Variants in CHIC1 observed in about 807,000 individuals in gnomAD.
CHIC1 encodes cysteine-rich hydrophobic domain-containing protein 1.
A neutral mutation model predicts 18.5 loss-of-function variants in CHIC1; 7 were observed. The ratio of observed to expected loss-of-function variants is 0.38; its 90% CI spans 0.22 to 0.71. The LOEUF (loss-of-function observed/expected upper bound fraction) is 0.71. Ranked by LOEUF, CHIC1 falls within the 30% of genes least tolerant of loss-of-function variation. The pLI is 0.49. For missense variants in CHIC1, 159 were observed against 176.9 expected, an observed-to-expected ratio of 0.90 and a Z score of 0.57; for synonymous variants, 77 against 73.5, an observed-to-expected ratio of 1.05 and a Z score of -0.25.
chrX:73,581,070 G>T (rs974358720), intron 2 of CHIC1, among the ~76,000 whole-genome samples: 3 of 110,933 alleles, frequency 2.7e-5, no homozygotes, highest in Non-Finnish European at 5.7e-5. Context: ...AAAGCTTTTG[G>T]CCCTCAGCTT....
chrX:73,657,096 A>T (rs1252267903), intron 3 of CHIC1, among the ~76,000 whole-genome samples: 3 of 99,162 alleles, frequency 3.0e-5, no homozygotes, highest in Non-Finnish European at 6.0e-5. Context: ...GTCTTACTCC[A>T]TCGCCCAGAC....
Position 73,672,663 on chromosome X carries a change from T to C in CHIC1, c.508-6663T>C, listed in dbSNP as rs758810855. ...TGAGTTCAATGTAGATTCTGGATAT[T>C]AGCCCTTTGTCAGATGAGTAGGTTG... On this transcript the variant is annotated intron_variant, in intron 3 of 5. Coordinates refer to ENST00000373502, the MANE Select transcript of CHIC1 (RefSeq NM_001039840.4). Among the ~76,000 whole-genome samples the C allele has an allele frequency of 2.7e-5, 3 of 112,607 alleles. No individual in the cohort carries two copies. In the South Asian group the frequency reaches 1.1e-3, roughly 41 times the overall value.
chrX:73,573,529 GT>G (rs757504282), intron 1 of CHIC1, among the ~76,000 whole-genome samples: 94 of 110,926 alleles, frequency 8.5e-4, no homozygotes, highest in African/African-American at 3.0e-3. Context: ...ATTGCTTTAT[GT>G]TGTTGATTCT....
At chrX:73,569,451 C>T (rs2057459666) in intron 1 of CHIC1, among the ~76,000 whole-genome samples, 1 of 111,337 alleles carries the variant, frequency 9.0e-6, no homozygotes, top group Non-Finnish European at 1.9e-5. Flanking sequence ...TTATTGAGAA[C>T]TACCAGCTGG....
At chrX:73,652,817 G>C (rs1453944468) in intron 3 of CHIC1, among the ~76,000 whole-genome samples, 1 of 112,155 alleles carries the variant, frequency 8.9e-6, no homozygotes, top group Admixed American at 9.4e-5. Context: ...GGAAGACAGT[G>C]TGGTGATTCC....
chrX:73,619,596 A>G (rs1056906484), intron 3 of CHIC1, among the ~76,000 whole-genome samples: 10 of 111,487 alleles, frequency 9.0e-5, no homozygotes, highest in Non-Finnish European at 1.5e-4. Context: ...AGGCTTGCAA[A>G]TAACATAATA....
At chrX:73,627,941 C>A (rs1055869807) in intron 3 of CHIC1, among the ~76,000 whole-genome samples, 1 of 111,866 alleles carries the variant, frequency 8.9e-6, no homozygotes, top group African/African-American at 3.2e-5. Context: ...TCACCCAAGG[C>A]CCTCGATGTT....
chrX:73,599,065 C>G (rs1348620133), intron 3 of CHIC1, among the ~76,000 whole-genome samples: 1 of 109,372 alleles, frequency 9.1e-6, no homozygotes, highest in African/African-American at 3.4e-5. Flanking sequence ...TTTTGATTTG[C>G]ATTTCTCTGA....
chrX:73,626,284 T>C (rs944864529), intron 3 of CHIC1, among the ~76,000 whole-genome samples: 4 of 111,472 alleles, frequency 3.6e-5, no homozygotes, highest in Non-Finnish European at 7.5e-5. Context: ...TAGTCTTCAT[T>C]AGGATAAATC....
chrX:73,619,564 T>A (rs895079026), intron 3 of CHIC1, among the ~76,000 whole-genome samples: 3 of 111,424 alleles, frequency 2.7e-5, no homozygotes, highest in Non-Finnish European at 5.6e-5. Context: ...GTATGTTTAA[T>A]TTTTGATTTG....
At chrX:73,615,356 C>T (rs2057727689) in intron 3 of CHIC1, among the ~76,000 whole-genome samples, 1 of 111,670 alleles carries the variant, frequency 9.0e-6, no homozygotes, top group Non-Finnish European at 1.9e-5. Context: ...CTGGTAGTTA[C>T]AGTGGTGGGC....
chrX:73,576,083 C>T (rs2057497030), intron 1 of CHIC1, among the ~76,000 whole-genome samples: 1 of 109,358 alleles, frequency 9.1e-6, no homozygotes, highest in South Asian at 3.8e-4. Context: ...TCACAGTTAT[C>T]CCATTGGAAA....
intron 3 of CHIC1, among the ~76,000 whole-genome samples, chrX:73,656,175 A>T (rs1206741779): frequency 9.0e-6 from 1 of 111,450 alleles, no homozygotes; most frequent in East Asian, 2.8e-4. Context: ...AAGTTTGTTT[A>T]AGGTCCTTGT....
At chrX:73,630,508 A>T (rs780302851) in intron 3 of CHIC1, among the ~76,000 whole-genome samples, 6 of 111,442 alleles carry the variant, frequency 5.4e-5, no homozygotes, top group Non-Finnish European at 1.1e-4. Flanking sequence ...CATGATTTTT[A>T]TCCTTCATTC....
chrX:73,679,196 T>C, intron 3 of CHIC1, 130 bp from the exon 4 acceptor site: 1 of 454,254 alleles, frequency 2.2e-6, no homozygotes, highest in South Asian at 3.6e-5. Flanking sequence ...ATATTGCTTA[T>C]TTCTCATTTC....
intron 1 of CHIC1, among the ~76,000 whole-genome samples, chrX:73,569,242 CTTTAA>C (rs1381785588): frequency 1.8e-5 from 2 of 110,748 alleles, no homozygotes; most frequent in African/African-American, 6.6e-5. Context: ...AGTACGTGAA[CTTTAA>C]TTTGTGCAAG....
At chrX:73,634,494 G>A (rs1216505953) in intron 3 of CHIC1, among the ~76,000 whole-genome samples, 1 of 112,121 alleles carries the variant, frequency 8.9e-6, no homozygotes, top group African/African-American at 3.2e-5. Flanking sequence ...CTGTGCTCAG[G>A]GAAGTATGGG....
chrX:73,675,278 G>T (rs1477769597), intron 3 of CHIC1, among the ~76,000 whole-genome samples: 1 of 110,932 alleles, frequency 9.0e-6, no homozygotes, highest in Non-Finnish European at 1.9e-5. Flanking sequence ...TCAATTCCTG[G>T]GTATCGTTGT....
chrX:73,656,762 T>G (rs2057951380), intron 3 of CHIC1, among the ~76,000 whole-genome samples: 1 of 112,323 alleles, frequency 8.9e-6, no homozygotes, highest in Non-Finnish European at 1.9e-5. Context: ...TGTTTTTTGC[T>G]TAGGATAGCC....
Sources: allele counts gnomAD v4.1 joint callset (sites outside exome capture counted in the v4.1 genomes callset), GRCh38; gene constraint gnomAD v4.1.1; transcripts MANE v1.5; gene names NCBI Gene and HGNC (gene_info 2026-07-23, HGNC 2026-07-21).